CFAP47: variants seen among roughly 807,000 people sequenced by gnomAD.
The protein encoded by CFAP47 is cilia and flagella associated protein 47.
Under a neutral mutation model 148.1 loss-of-function variants are expected in CFAP47, and 29 were observed. The ratio of observed to expected loss-of-function variants is 0.20; its 90% CI spans 0.15 to 0.27. The LOEUF is 0.27. Ranked by LOEUF, CFAP47 falls within the 10% of genes least tolerant of loss-of-function variation. CFAP47 has a pLI of 1.00. For missense variants in CFAP47, 1,872 were observed against 1,697.5 expected (o/e 1.10, Z -1.81); for synonymous variants, 664 against 577.3 (o/e 1.15, Z -2.15).
intron 57 of CFAP47, among the ~76,000 whole-genome samples, chrX:36,335,096 A>G (rs1466723274): frequency 3.6e-5 from 4 of 111,260 alleles, no homozygotes; most frequent in Non-Finnish European, 7.5e-5. Flanking sequence ...CATTATCTGT[A>G]TTTAAATATC....
intron 63 of CFAP47, 21 bp from the exon 64 acceptor site, chrX:36,384,776 T>C: frequency 3.6e-6 from 4 of 1,104,806 alleles, no homozygotes. Flanking sequence ...CAAATGAAAA[T>C]TTCTCCCTCT....
chrX:36,142,426 G>GA lies in CFAP47; in HGVS notation c.5536-2786dup, dbSNP rs768442798. Among the ~76,000 whole-genome samples the GA allele has an allele frequency of 2.0e-3, 223 of 110,809 alleles. 1 individual carries two copies. The highest frequency in any genetic ancestry group is 6.9e-3 in the African/African-American group (211 of 30,520). ...AGTAGGAAAACATAGTCATCAAGGA[G>GA]AAAAAAAGGACCAATACAATTGAAG... On this transcript the variant is annotated intron_variant, in intron 35 of 63. Coordinates refer to ENST00000378653, the MANE Select transcript of CFAP47 (RefSeq NM_001304548.2).
intron 57 of CFAP47, among the ~76,000 whole-genome samples, chrX:36,324,651 C>T (rs1330233986): frequency 9.0e-6 from 1 of 111,181 alleles, no homozygotes; most frequent in Non-Finnish European, 1.9e-5. Context: ...AACACTAAAA[C>T]TATGTACAAA....
chrX:36,022,329 TG>T (rs1459449022), intron 22 of CFAP47, among the ~76,000 whole-genome samples: 14 of 111,923 alleles, frequency 1.3e-4, no homozygotes, highest in African/African-American at 4.2e-4. Flanking sequence ...AGGTTTTCAC[TG>T]AAAGATCTGC....
intron 13 of CFAP47, among the ~76,000 whole-genome samples, 178 bp from the exon 14 acceptor site, chrX:35,974,969 A>G (rs1425516348): frequency 9.0e-6 from 1 of 111,635 alleles, no homozygotes; most frequent in Non-Finnish European, 1.9e-5. Flanking sequence ...CAAACATTTA[A>G]TCATGGTCAT....
rs1556023645 is a variant in CFAP47 at position 36,379,382 on chromosome X, C to T, written c.9218C>T (p.Pro3073Leu). The T allele has an allele frequency of 7.7e-6, 9 of 1,167,456 alleles. No individual in the cohort carries two copies. In the South Asian group the frequency reaches 1.7e-4, roughly 22 times the overall value. ...GAGCCGTTCACCGCACACTTCCTACCTGGCAGCGATCTGGAGTTTTTTGTA... is the reference window on the plus strand; with the variant it reads ...GAGCCGTTCACCGCACACTTCCTACTTGGCAGCGATCTGGAGTTTTTTGTA... Reference protein sequence around the residue: ...NPEPFTAHFLPGSDLEFFVKP... With the variant: ...NPEPFTAHFLLGSDLEFFVKP... Residue 3073 changes from proline to leucine, a missense_variant, in exon 63 of 64, where the codon CCT (proline) becomes CTT (leucine). Transcript: ENST00000378653.
At chrX:36,068,644 C>T (rs1418449049) in intron 27 of CFAP47, among the ~76,000 whole-genome samples, 1 of 110,869 alleles carries the variant, frequency 9.0e-6, no homozygotes, top group Non-Finnish European at 1.9e-5. Context: ...TTTTAACACA[C>T]ATTGTCAAAA....
chrX:35,939,904 C>G (rs1327731522), intron 2 of CFAP47, among the ~76,000 whole-genome samples: 1 of 100,886 alleles, frequency 9.9e-6, no homozygotes, highest in Non-Finnish European at 2.0e-5. Flanking sequence ...AGTTTACAGT[C>G]CCACCAACAG....
At chrX:36,329,240 A>G (rs1399494324) in intron 57 of CFAP47, among the ~76,000 whole-genome samples, 3 of 111,475 alleles carry the variant, frequency 2.7e-5, no homozygotes, top group African/African-American at 9.8e-5. Context: ...ATCCCATGAT[A>G]AAGAGGCACT....
At chrX:36,294,576 G>A (rs782797413) in intron 51 of CFAP47, among the ~76,000 whole-genome samples, 1 of 110,268 alleles carries the variant, frequency 9.1e-6, no homozygotes, top group African/African-American at 3.3e-5. Flanking sequence ...GCCAGGCATG[G>A]TGGCAGGCGC....
At position 35,971,711 on chromosome X, in the gene CFAP47, C is replaced by T. The variant is rs1029862441; in HGVS notation, c.2096C>T (p.Ala699Val). ...ELSSAANSIR[A>V]NRLLTTRGIA... is the part of the protein sequence containing the mutation. ...TCTTCAGCAGCAAATTCAATTAGAGCGAATCGATTGTTAACCACCAGGGGT... is the reference window on the plus strand; with the variant it reads ...TCTTCAGCAGCAAATTCAATTAGAGTGAATCGATTGTTAACCACCAGGGGT... The change falls in exon 12 of 64, where the codon GCG (alanine) becomes GTG (valine). Residue 699 changes from alanine to valine, a missense_variant. Coordinates refer to ENST00000378653, the MANE Select transcript of CFAP47 (RefSeq NM_001304548.2). 9 of 1,209,015 alleles carry T rather than the reference C, an allele frequency of 7.4e-6. No homozygotes were observed. The African/African-American group carries it at 1.2e-4, about 16-fold the overall frequency.
At chrX:35,950,695 G>A (rs910473639) in intron 4 of CFAP47, among the ~76,000 whole-genome samples, 3 of 111,347 alleles carry the variant, frequency 2.7e-5, no homozygotes, top group African/African-American at 3.3e-5. Context: ...ACTGAGGTAC[G>A]TTAGATTGTA....
At position 36,073,240 on chromosome X, in the gene CFAP47, C is replaced by G; in HGVS notation, c.4567C>G (p.Leu1523Val). 1 of 1,208,704 alleles carries G rather than the reference C, an allele frequency of 8.3e-7. No individual in the cohort carries two copies. The highest frequency in any genetic ancestry group is 1.7e-5 in the African/African-American group (1 of 57,582). Residue 1523 changes from leucine (L) to valine (V), a missense_variant, in exon 29 of 64, where the codon CTT (leucine) becomes GTT (valine). Leu to Val is a conservative substitution (Grantham distance 32, BLOSUM62 1). Transcript: ENST00000378653. Reference protein sequence around the residue: ...EKEKYEQFLSLEEGTKAHYFF... With the variant: ...EKEKYEQFLSVEEGTKAHYFF... ...GGAAAAATATGAACAATTCCTTTCT[C>G]TTGAGGAAGGAACAAAGGCACACTA...
intron 29 of CFAP47, among the ~76,000 whole-genome samples, chrX:36,076,476 C>T (rs1937859577): frequency 1.8e-5 from 2 of 109,642 alleles, no homozygotes; most frequent in South Asian, 7.9e-4. Flanking sequence ...ATTTGTATTT[C>T]TCTGATGTTT....
At chrX:36,369,474 G>T in intron 62 of CFAP47, among the ~76,000 whole-genome samples, 1 of 110,289 alleles carries the variant, frequency 9.1e-6, no homozygotes, top group East Asian at 2.9e-4. Context: ...ATAGCAAATG[G>T]AATTATCCCC....
At chrX:36,102,634 T>A (rs1027305119) in intron 32 of CFAP47, among the ~76,000 whole-genome samples, 6 of 111,446 alleles carry the variant, frequency 5.4e-5, no homozygotes, top group African/African-American at 2.0e-4. Context: ...CTTGTCTTAT[T>A]TGCAGAGTAG....
intron 36 of CFAP47, among the ~76,000 whole-genome samples, chrX:36,146,604 T>G (rs2146839315): frequency 9.0e-6 from 1 of 110,671 alleles, no homozygotes; most frequent in East Asian, 2.8e-4. Context: ...TTTAAGAAAA[T>G]TAGTGATTTG....
chrX:36,235,718 G>A (rs782527539), intron 46 of CFAP47, among the ~76,000 whole-genome samples: 13 of 112,522 alleles, frequency 1.2e-4, no homozygotes, highest in African/African-American at 3.5e-4. Flanking sequence ...CATCGCTCAC[G>A]CTAGGAGCTG....
chrX:36,024,867 A>T (rs1055470391), intron 22 of CFAP47, among the ~76,000 whole-genome samples: 74 of 111,544 alleles, frequency 6.6e-4, no homozygotes, highest in Non-Finnish European at 9.6e-4. Context: ...TTTGGTTCTT[A>T]TGAAGTTGCT....
Sources: allele counts gnomAD v4.1 joint callset (sites outside exome capture counted in the v4.1 genomes callset), GRCh38; gene constraint gnomAD v4.1.1; transcripts MANE v1.5; gene names NCBI Gene and HGNC (gene_info 2026-07-23, HGNC 2026-07-21).